Variants in SBF2 observed in about 807,000 individuals in gnomAD.
SBF2 encodes myotubularin-related protein 13.
SBF2 carries 112 observed loss-of-function variants against 225.2 expected under a neutral mutation model. That is an observed-to-expected ratio of 0.50 (90% confidence interval 0.43 to 0.58). SBF2 has a LOEUF of 0.58. SBF2 is among the 20% of genes least tolerant of loss of function. The probability of loss-of-function intolerance (pLI) is 0.00; values close to 1 mark genes in which losing one functional copy is unlikely to be tolerated. For synonymous variants in SBF2, 763 were observed against 773.3 expected, an observed-to-expected ratio of 0.99 and a Z score of 0.22; for missense variants, 1,996 against 2,206.2, an observed-to-expected ratio of 0.90 and a Z score of 1.91.
chr11:9,785,377 A>G, intron 36 of SBF2, 59 bp from the exon 37 acceptor site: 6 of 940,858 alleles, frequency 6.4e-6, no homozygotes, highest in Non-Finnish European at 8.0e-6. Context: ...TACTGACTGG[A>G]AAATTTCATT....
intron 2 of SBF2, chr11:10,044,604 T>G (rs1316211492): frequency 5.3e-6 from 1 of 189,824 alleles, no homozygotes; most frequent in Non-Finnish European, 1.0e-5. Context: ...CTATGGAGGA[T>G]TCACCATGCC....
At chr11:10,285,722 C>T (rs774448902) in intron 1 of SBF2, among the ~76,000 whole-genome samples, 13 of 152,310 alleles carry the variant, frequency 8.5e-5, no homozygotes, top group Non-Finnish European at 1.3e-4. Context: ...AAGCCCATTC[C>T]CACCCTGTGG....
intron 2 of SBF2, among the ~76,000 whole-genome samples, chr11:10,052,129 C>T (rs1950087465): frequency 6.7e-6 from 1 of 149,712 alleles, no homozygotes; most frequent in Admixed American, 6.8e-5. Context: ...CAGGATTTTT[C>T]TCTCCCCAGT....
chr11:10,064,152 A>T (rs1436597340), intron 2 of SBF2, among the ~76,000 whole-genome samples: 2 of 152,290 alleles, frequency 1.3e-5, no homozygotes, highest in Non-Finnish European at 2.9e-5. Context: ...GGTTTATAGC[A>T]TATATAAAAC....
chr11:9,985,577 C>A (rs955003333), intron 13 of SBF2, among the ~76,000 whole-genome samples: 1 of 152,110 alleles, frequency 6.6e-6, no homozygotes, highest in Non-Finnish European at 1.5e-5. Context: ...CCTGCCTTGG[C>A]CTCCCAAAGT....
At position 9,915,278 on chromosome 11, in the gene SBF2, C is replaced by A. The variant is rs1332253096; in HGVS notation, c.1861-19267G>T. 4.6e-5 allele frequency among the ~76,000 whole-genome samples: 7 copies of A among 152,100 alleles called. No homozygotes were observed. In the East Asian group the frequency reaches 1.2e-3, roughly 25 times the overall value. On this transcript the variant is annotated intron_variant, in intron 16 of 39. Transcript: ENST00000256190. Reference sequence around the variant, plus strand: ...CCTGGCCACCATGGTGAAACCCTATCTCTACTAAAAATACAAAAATTAGCT... The same window carrying A: ...CCTGGCCACCATGGTGAAACCCTATATCTACTAAAAATACAAAAATTAGCT...
intron 16 of SBF2, among the ~76,000 whole-genome samples, chr11:9,925,947 T>A (rs1864004259): frequency 7.4e-6 from 1 of 135,054 alleles, no homozygotes. Flanking sequence ...AAAAATAAGG[T>A]TTGGAACCAA....
intron 1 of SBF2, among the ~76,000 whole-genome samples, chr11:10,253,294 AAG>A (rs1447421983): frequency 6.6e-6 from 1 of 152,134 alleles, no homozygotes; most frequent in Non-Finnish European, 1.5e-5. Flanking sequence ...TGAAAATAAA[AAG>A]AGTTATGAGA....
At chr11:10,002,967 T>A (rs1482070848) in intron 6 of SBF2, among the ~76,000 whole-genome samples, 1 of 152,238 alleles carries the variant, frequency 6.6e-6, no homozygotes, top group African/African-American at 2.4e-5. Flanking sequence ...GGCCTGTATT[T>A]AGGTTCCTGT....
intron 16 of SBF2, among the ~76,000 whole-genome samples, chr11:9,942,921 A>G (rs28538474): frequency 4.2e-5 from 5 of 118,858 alleles, no homozygotes; most frequent in East Asian, 4.1e-4. Context: ...GAAAGAAAGA[A>G]AGAAAGAAAG....
chr11:10,012,468 T>C lies in SBF2; in HGVS notation c.620-9779A>G, dbSNP rs533394383. On this transcript the variant is annotated intron_variant, in intron 6 of 39. Coordinates refer to ENST00000256190, the MANE Select transcript of SBF2 (RefSeq NM_030962.4). ...GTTTCAGTTATCATACTGTTCAATC[T>C]ATAATATCTATTTGGCTCTTTTTCA... Among the ~76,000 whole-genome samples, 6 of 152,308 alleles carry C rather than the reference T, an allele frequency of 3.9e-5. No individual in the cohort carries two copies. In the South Asian group the frequency reaches 1.2e-3, roughly 32 times the overall value.
At chr11:10,025,386 A>G (rs1453870792) in intron 6 of SBF2, among the ~76,000 whole-genome samples, 2 of 152,110 alleles carry the variant, frequency 1.3e-5, no homozygotes, top group Non-Finnish European at 2.9e-5. Context: ...TTTATATAAA[A>G]AAAAAATCCA....
intron 2 of SBF2, among the ~76,000 whole-genome samples, chr11:10,141,107 T>C (rs890147687): frequency 6.6e-6 from 1 of 152,176 alleles, no homozygotes; most frequent in Non-Finnish European, 1.5e-5. Context: ...TGATCTCCTC[T>C]TACCAAAAAC....
Position 9,795,942 on chromosome 11 carries a change from G to C in SBF2, c.4459C>G (p.Pro1487Ala). The C allele has an allele frequency of 1.2e-6, 2 of 1,613,340 alleles. No individual in the cohort carries two copies. Among genetic ancestry groups the C allele is most frequent in the Non-Finnish European group, 1.7e-6 (2 of 1,179,920 alleles). The change falls in exon 33 of 40, where the codon CCA becomes GCA. Residue 1487 changes from proline to alanine, a missense_variant. Pro to Ala is a conservative substitution (Grantham distance 27, BLOSUM62 -1). Transcript: ENST00000256190. ...DCVHQVHNQY[P>A]TEFEFNLYYL... is the part of the protein sequence containing the mutation. ...TAGAGATTGAATTCAAACTCAGTTG[G>C]ATACTGGTTGTGAACCTGAAACACA...
chr11:9,848,567 C>A (rs1015220559), intron 22 of SBF2, among the ~76,000 whole-genome samples: 3 of 152,296 alleles, frequency 2.0e-5, no homozygotes, highest in South Asian at 4.1e-4. Context: ...CGCATAACTT[C>A]AAAATAAATA....
chr11:10,051,946 A>G (rs565551731), intron 2 of SBF2, among the ~76,000 whole-genome samples: 45 of 152,278 alleles, frequency 3.0e-4, no homozygotes, highest in African/African-American at 1.1e-3. Flanking sequence ...TTCCATTCTT[A>G]ACTAAAAATG....
chr11:10,101,266 G>A (rs920467996), intron 2 of SBF2, among the ~76,000 whole-genome samples: 2 of 152,208 alleles, frequency 1.3e-5, no homozygotes, highest in African/African-American at 4.8e-5. Flanking sequence ...CCCGCCTGGA[G>A]TGAATCAAAG....
chr11:10,046,694 T>C (rs2134695599), intron 2 of SBF2, among the ~76,000 whole-genome samples: 1 of 151,782 alleles, frequency 6.6e-6, no homozygotes, highest in Non-Finnish European at 1.5e-5. Flanking sequence ...CTCAAAGCTT[T>C]CCAAGAATGA....
chr11:10,112,335 T>C (rs1952914426), intron 2 of SBF2, among the ~76,000 whole-genome samples: 1 of 152,140 alleles, frequency 6.6e-6, no homozygotes, highest in Non-Finnish European at 1.5e-5. Flanking sequence ...GGTGGGTCTT[T>C]CCTGCACCAT....
Sources: gnomAD v4.1 joint callset for allele counts (sites outside exome capture counted in the v4.1 genomes callset) on GRCh38, gnomAD v4.1.1 for gene constraint, MANE v1.5 for transcripts, NCBI Gene and HGNC (gene_info 2026-07-23, HGNC 2026-07-21) for gene names.